The following FOXN1 variants were observed in gnomAD, a reference collection of about 807,000 sequenced individuals.
The protein encoded by FOXN1 is forkhead box N1, also known as forkhead box protein N1.
Under a neutral mutation model 49.0 loss-of-function variants are expected in FOXN1, and 15 were observed. That is an observed-to-expected ratio of 0.31 (90% CI 0.20 to 0.47). FOXN1 has a LOEUF of 0.47. Ranked by LOEUF, FOXN1 falls within the 20% of genes least tolerant of loss-of-function variation. The pLI, the probability that FOXN1 is intolerant of heterozygous loss-of-function variation, is 1.00. For missense variants in FOXN1, 800 were observed against 842.8 expected (o/e 0.95, Z 0.63); for synonymous variants, 356 against 369.0 (o/e 0.96, Z 0.40).
At position 28,518,980 on chromosome 17, in the gene FOXN1, C is replaced by G. The variant is rs532592905; in HGVS notation, c.-14-4976C>G. ...ATAAATCATAATGTTTAAAAAGGCT[C>G]TGATTTGTAGGATTTGCTAATTTCC... On this transcript the variant is annotated intron_variant, in intron 1 of 8. Coordinates refer to ENST00000579795, the MANE Select transcript of FOXN1 (RefSeq NM_001369369.1). Among the ~76,000 whole-genome samples, 12 of 152,304 alleles carry G rather than the reference C, an allele frequency of 7.9e-5. No individual in the cohort carries two copies. The South Asian group carries it at 2.1e-3, about 26-fold the overall frequency.
intron 1 of FOXN1, among the ~76,000 whole-genome samples, chr17:28,518,182 T>TAGGGTACACACATCCAC (rs1489603596): frequency 9.0e-6 from 1 of 110,954 alleles, no homozygotes; most frequent in Non-Finnish European, 2.0e-5. Flanking sequence ...CATACCTCCA[T>TAGGGTACACACATCCAC]AGGGTACACA....
intron 6 of FOXN1, among the ~76,000 whole-genome samples, chr17:28,533,436 G>A (rs974555996): frequency 6.6e-6 from 1 of 151,962 alleles, no homozygotes; most frequent in Non-Finnish European, 1.5e-5. Flanking sequence ...TTACCACACT[G>A]GTGGCATGAC....
chr17:28,522,104 C>A (rs547807224), intron 1 of FOXN1, among the ~76,000 whole-genome samples: 1 of 152,232 alleles, frequency 6.6e-6, no homozygotes, highest in Non-Finnish European at 1.5e-5. Flanking sequence ...TGCCCCTGGG[C>A]GACTTGGGCA....
At position 28,524,019 on chromosome 17, in the gene FOXN1, C is replaced by A; in HGVS notation, c.50C>A (p.Thr17Asn). ...PQSDVTLPGP[T>N]RLEGERQGDL... is the part of the protein sequence containing the mutation. ...TCTGACGTCACGCTGCCGGGCCCCA[C>A]CAGACTGGAGGGCGAGCGCCAAGGG... Residue 17 changes from threonine to asparagine, a missense_variant, in exon 2 of 9, where the codon ACC becomes AAC. Thr to Asn is a moderately conservative substitution (Grantham distance 65). Transcript: ENST00000579795. 1 of 1,612,848 alleles carries A rather than the reference C, an allele frequency of 6.2e-7. No homozygotes were observed.
chr17:28,509,528 C>T (rs963437100), intron 1 of FOXN1, among the ~76,000 whole-genome samples: 3 of 152,198 alleles, frequency 2.0e-5, no homozygotes, highest in Non-Finnish European at 4.4e-5. Context: ...GGGGTGTCCC[C>T]CAGGTTGTCT....
At chr17:28,507,701 G>T (rs556813782) in intron 1 of FOXN1, among the ~76,000 whole-genome samples, 21 of 152,288 alleles carry the variant, frequency 1.4e-4, no homozygotes, top group African/African-American at 4.8e-4. Context: ...CTAGTTCCTC[G>T]GATCCGAGGG....
At chr17:28,537,047 A>G in intron 8 of FOXN1, 70 bp from the exon 9 acceptor site, 2 of 1,160,780 alleles carry the variant, frequency 1.7e-6, no homozygotes, top group South Asian at 2.4e-5. Flanking sequence ...GAAGATTGAC[A>G]GGGAGGAGGG....
chr17:28,511,810 T>G (rs1370278263), intron 1 of FOXN1, among the ~76,000 whole-genome samples: 1 of 151,840 alleles, frequency 6.6e-6, no homozygotes, highest in Non-Finnish European at 1.5e-5. Flanking sequence ...GGGGATTCTG[T>G]AGGGAAGCCA....
intron 1 of FOXN1, among the ~76,000 whole-genome samples, chr17:28,516,407 T>C (rs1329507646): frequency 1.6e-3 from 124 of 77,704 alleles, no homozygotes; most frequent in South Asian, 3.5e-3. Context: ...ATCCATACCA[T>C]CACGGGGTAC....
At chr17:28,527,396 G>A in intron 4 of FOXN1, 35 bp downstream of exon 4, 1 of 1,204,316 alleles carries the variant, frequency 8.3e-7, no homozygotes, top group South Asian at 1.2e-5. Flanking sequence ...CTTCCCCCAG[G>A]TCTGAGGATA....
rs77639806 is a variant in FOXN1 at position 28,525,317 on chromosome 17, G to A, written c.588+350G>A. ...GTGACAAGAAAAACACATTCCAGAG[G>A]CCAAGGGAAAGGGTTTGGGGAGGAG... On this transcript the variant is annotated intron_variant, in intron 3 of 8. Coordinates refer to ENST00000579795, the MANE Select transcript of FOXN1 (RefSeq NM_001369369.1). Among the ~76,000 whole-genome samples, 52 of 152,320 alleles carry A rather than the reference G, an allele frequency of 3.4e-4. No individual in the cohort carries two copies. The East Asian group carries it at 6.4e-3, about 19-fold the overall frequency.
intron 5 of FOXN1, 44 bp from the exon 6 acceptor site, chr17:28,530,705 C>A: frequency 1.8e-6 from 2 of 1,125,598 alleles, no homozygotes; most frequent in Non-Finnish European, 2.7e-6. Flanking sequence ...GGGCTCAGGA[C>A]CCAGTCAGAG....
chr17:28,533,657 AG>A (rs1266453465), intron 6 of FOXN1, among the ~76,000 whole-genome samples: 4 of 152,228 alleles, frequency 2.6e-5, no homozygotes, highest in Non-Finnish European at 5.9e-5. Context: ...GGACCCATGA[AG>A]GAGTATCCAG....
chr17:28,526,481 T>C (rs2069771967), intron 3 of FOXN1, among the ~76,000 whole-genome samples: 1 of 152,204 alleles, frequency 6.6e-6, no homozygotes. Flanking sequence ...CTGTCCGTAC[T>C]CACCGGAGAG....
chr17:28,519,209 T>C (rs985745053), intron 1 of FOXN1, among the ~76,000 whole-genome samples: 17 of 151,918 alleles, frequency 1.1e-4, no homozygotes, highest in African/African-American at 4.1e-4. Context: ...TGCACACCTG[T>C]AATCTCAGCA....
intron 1 of FOXN1, among the ~76,000 whole-genome samples, chr17:28,520,101 A>G (rs142414922): frequency 2.5e-4 from 38 of 152,366 alleles, no homozygotes; most frequent in African/African-American, 9.1e-4. Context: ...AGATGAGGAA[A>G]CTGAGGCATG....
chr17:28,535,886 G>A (rs1319691955), intron 8 of FOXN1, among the ~76,000 whole-genome samples: 2 of 152,208 alleles, frequency 1.3e-5, no homozygotes, highest in Non-Finnish European at 2.9e-5. Flanking sequence ...ATCTTCTAAA[G>A]CAGAAGGAGA....
chr17:28,529,157 C>T lies in FOXN1; in HGVS notation c.763C>T (p.Arg255Ter), dbSNP rs104894562. ...YLGSSHYQYQ[R>*]MAPQASTDGH... The stretch of plus-strand genomic sequence containing the variant: ...GGGCTCCTCACACTATCAGTACCAG[C>T]GAATGGCACCCCAGGCCAGCACCGA... The change falls in exon 5 of 9, where the codon CGA becomes TGA. Residue 255 changes from arginine (R) to a stop codon, truncating the protein, a stop_gained. Coordinates refer to ENST00000579795, the MANE Select transcript of FOXN1 (RefSeq NM_001369369.1). LOFTEE classifies it high-confidence loss of function. 3 of 1,614,052 alleles carry T rather than the reference C, an allele frequency of 1.9e-6. No individual in the cohort carries two copies. The highest frequency in any genetic ancestry group is 1.7e-6 in the Non-Finnish European group (2 of 1,180,014).
At chr17:28,527,466 G>A (rs2069800206) in intron 4 of FOXN1, 105 bp downstream of exon 4, 1 of 741,776 alleles carries the variant, frequency 1.3e-6, no homozygotes, top group East Asian at 2.7e-5. Flanking sequence ...ACCAGGATAG[G>A]CAGATAAGGA....
Sources: allele counts gnomAD v4.1 joint callset (sites outside exome capture counted in the v4.1 genomes callset), GRCh38; gene constraint gnomAD v4.1.1; transcripts MANE v1.5; gene names NCBI Gene and HGNC (gene_info 2026-07-23, HGNC 2026-07-21).